PGM2L1: variants seen among roughly 807,000 people sequenced by gnomAD.
The protein encoded by PGM2L1 is glucose 1,6-bisphosphate synthase.
Under a neutral mutation model 73.4 loss-of-function variants are expected in PGM2L1, and 35 were observed. The observed-to-expected ratio is 0.48, with a 90% CI of 0.36 to 0.63. The LOEUF (loss-of-function observed/expected upper bound fraction) is 0.63, where lower values mean the gene tolerates loss of function less well. Among genes scored for constraint, PGM2L1 ranks in the 30% least tolerant of loss-of-function variants. The pLI is 0.00. For synonymous variants in PGM2L1, 225 were observed against 253.8 expected, an observed-to-expected ratio of 0.89 and a Z score of 1.08; for missense variants, 570 against 742.0, an observed-to-expected ratio of 0.77 and a Z score of 2.69.
At position 74,358,653 on chromosome 11, in the gene PGM2L1, C is replaced by T. The variant is rs199514936; in HGVS notation, c.556-7077G>A. ...CCTGTAATCCCAGCATTCTGGGAGGCCAAGGCAGGAGGATCACTTGAGGCC... is the reference window on the plus strand; with the variant it reads ...CCTGTAATCCCAGCATTCTGGGAGGTCAAGGCAGGAGGATCACTTGAGGCC... On this transcript the variant is annotated intron_variant, in intron 5 of 13. Coordinates refer to ENST00000298198, the MANE Select transcript of PGM2L1 (RefSeq NM_173582.6). 3.3e-5 allele frequency among the ~76,000 whole-genome samples: 5 copies of T among 152,318 alleles called. No individual in the cohort carries two copies. In the East Asian group the frequency reaches 9.6e-4, roughly 29 times the overall value.
chr11:74,360,610 A>G (rs540357255), intron 5 of PGM2L1, among the ~76,000 whole-genome samples: 2 of 152,268 alleles, frequency 1.3e-5, no homozygotes, highest in Admixed American at 6.5e-5. Flanking sequence ...AGGGTGACAC[A>G]TCGCCTCACC....
intron 5 of PGM2L1, 114 bp from the exon 6 acceptor site, chr11:74,351,690 C>T (rs564549976): frequency 6.8e-5 from 62 of 907,238 alleles, no homozygotes; most frequent in East Asian, 1.7e-4. Flanking sequence ...AGGCCAGGCA[C>T]GGTGGCTCAC....
At chr11:74,339,003 T>C (rs1862141870) in intron 12 of PGM2L1, among the ~76,000 whole-genome samples, 1 of 152,196 alleles carries the variant, frequency 6.6e-6, no homozygotes, top group African/African-American at 2.4e-5. Flanking sequence ...AAACATACCA[T>C]TTACTGAATA....
At chr11:74,365,274 C>G (rs1201149920) in intron 5 of PGM2L1, among the ~76,000 whole-genome samples, 1 of 152,058 alleles carries the variant, frequency 6.6e-6, no homozygotes. Flanking sequence ...AGAAGAAAAC[C>G]TAGGCAATAC....
Position 74,374,576 on chromosome 11 carries a change from T to C in PGM2L1, c.118A>G (p.Lys40Glu), listed in dbSNP as rs1862829235. The C allele has an allele frequency of 1.2e-6, 2 of 1,613,288 alleles. No individual in the cohort carries two copies. The highest frequency in any genetic ancestry group is 1.7e-6 in the Non-Finnish European group (2 of 1,179,592). The change falls in exon 2 of 14, where the codon AAA becomes GAA. Residue 40 changes from lysine to glutamate, a missense_variant. Physicochemically the swap from Lys to Glu is moderately conservative, Grantham distance 56. Coordinates refer to ENST00000298198, the MANE Select transcript of PGM2L1 (RefSeq NM_173582.6). ...AGGTTTTCAATCTGCTCTTTTGTTT[T>C]GGGATTCTATAAAAAAGAAGTATTA... ...GQWLRWDKNP[K>E]TKEQIENLLR...
At chr11:74,356,592 T>C (rs1862460010) in intron 5 of PGM2L1, among the ~76,000 whole-genome samples, 1 of 152,152 alleles carries the variant, frequency 6.6e-6, no homozygotes, top group Non-Finnish European at 1.5e-5. Flanking sequence ...AAAATAACTT[T>C]GTTTTCAAAT....
intron 1 of PGM2L1, among the ~76,000 whole-genome samples, chr11:74,375,970 T>C (rs1862847208): frequency 6.6e-6 from 1 of 152,214 alleles, no homozygotes; most frequent in Non-Finnish European, 1.5e-5. Context: ...AAGATGGGCA[T>C]AAGAATGGCA....
At chr11:74,387,212 G>A (rs116323332) in intron 1 of PGM2L1, among the ~76,000 whole-genome samples, 130 of 152,234 alleles carry the variant, frequency 8.5e-4, no homozygotes, top group African/African-American at 3.0e-3. Context: ...CCAAGAATCA[G>A]CAATAGAGTT....
Position 74,334,938 on chromosome 11 carries a change from A to C in PGM2L1, c.*1714T>G, listed in dbSNP as rs1862071468. 3 of 141,008 alleles carry C rather than the reference A, an allele frequency of 2.1e-5. No homozygotes were observed. The highest frequency in any genetic ancestry group is 2.2e-4 in the South Asian group (1 of 4,566). 8.7% of individuals were successfully genotyped at this position (141,008 alleles called of 1,614,324 possible). A position where few individuals can be genotyped will look rare whatever the true frequency, so the allele number is the denominator to read the frequency against. On this transcript the variant is annotated 3_prime_UTR_variant, in exon 14 of 14. Transcript: ENST00000298198. Reference sequence around the variant, plus strand: ...TTTTTTTTTTTTGAGATAAGGTCTCACTCTGTCATCCAGGCTTCAGTGCGG... The same window carrying C: ...TTTTTTTTTTTTGAGATAAGGTCTCCCTCTGTCATCCAGGCTTCAGTGCGG...
intron 1 of PGM2L1, 123 bp downstream of exon 1, chr11:74,397,928 G>T: frequency 7.3e-7 from 1 of 1,372,576 alleles, no homozygotes; most frequent in Non-Finnish European, 9.4e-7. Context: ...GCCCTGCTCC[G>T]CTGCCCCCCG....
intron 1 of PGM2L1, among the ~76,000 whole-genome samples, chr11:74,383,824 A>ATATATATATATATATATATATATATATAT (rs1862982924): frequency 1.6e-5 from 2 of 121,834 alleles, no homozygotes; most frequent in Admixed American, 8.2e-5. Flanking sequence ...TATATAAATA[A>ATATATATATATATATATATATATATATAT]ATATATATAT....
At chr11:74,361,791 G>C (rs1252877395) in intron 5 of PGM2L1, among the ~76,000 whole-genome samples, 1 of 152,044 alleles carries the variant, frequency 6.6e-6, no homozygotes, top group Non-Finnish European at 1.5e-5. Flanking sequence ...TGGAAGAAAG[G>C]GTATCAGTGA....
chr11:74,385,744 C>T (rs1017877548), intron 1 of PGM2L1, among the ~76,000 whole-genome samples: 7 of 151,940 alleles, frequency 4.6e-5, no homozygotes, highest in African/African-American at 9.7e-5. Context: ...GAACCCTGCC[C>T]ATCAGCATAA....
At chr11:74,346,159 G>T (rs1862259897) in intron 8 of PGM2L1, among the ~76,000 whole-genome samples, 1 of 150,082 alleles carries the variant, frequency 6.7e-6, no homozygotes, top group Non-Finnish European at 1.5e-5. Context: ...AGCTACTTAG[G>T]AGGCTGAGGC....
Position 74,351,371 on chromosome 11 carries a change from T to C in PGM2L1, c.749+12A>G, listed in dbSNP as rs746860389. On this transcript the variant is annotated intron_variant, in intron 6 of 13. Coordinates refer to ENST00000298198, the MANE Select transcript of PGM2L1 (RefSeq NM_173582.6). The stretch of plus-strand genomic sequence containing the variant: ...TCTGAAGTAGTATTATCTGATATTC[T>C]CACTTGGATACCTGTAAAAACAGAT... The C allele has an allele frequency of 6.2e-7, 1 of 1,601,494 alleles. No individual in the cohort carries two copies. The highest frequency in any genetic ancestry group is 8.5e-7 in the Non-Finnish European group (1 of 1,173,734).
At chr11:74,360,313 G>T (rs146042854) in intron 5 of PGM2L1, among the ~76,000 whole-genome samples, 1 of 151,566 alleles carries the variant, frequency 6.6e-6, no homozygotes, top group Admixed American at 6.6e-5. Flanking sequence ...AGGTAGGGAC[G>T]GAGGGAGGGA....
rs1862050213 is a variant in PGM2L1, at chr11:74,333,807, C to A, written c.*2845G>T. On this transcript the variant is annotated 3_prime_UTR_variant, in exon 14 of 14. Transcript: ENST00000298198. ...ATTTCCAATGTATGCTTTGATCTTG[C>A]CCTACTAATTCTCTCCTTTTCTCCA... 1 of 152,206 alleles carries A rather than the reference C, an allele frequency of 6.6e-6. No homozygotes were observed. Among genetic ancestry groups the A allele is most frequent in the Admixed American group, 6.5e-5 (1 of 15,282 alleles). 9.4% of individuals were successfully genotyped at this position (152,206 alleles called of 1,614,324 possible). A position where few individuals can be genotyped will look rare whatever the true frequency, so the allele number is the denominator to read the frequency against.
chr11:74,356,043 G>A (rs1196273180), intron 5 of PGM2L1, among the ~76,000 whole-genome samples: 2 of 151,632 alleles, frequency 1.3e-5, no homozygotes, highest in African/African-American at 4.9e-5. Flanking sequence ...TCATGATGCT[G>A]AATAAATGTC....
intron 12 of PGM2L1, among the ~76,000 whole-genome samples, chr11:74,338,900 TTA>T (rs1196098248): frequency 1.3e-5 from 2 of 152,206 alleles, no homozygotes; most frequent in African/African-American, 2.4e-5. Flanking sequence ...TTAATTTTTG[TTA>T]TGTGTTTTTT....
Sources: allele counts gnomAD v4.1 joint callset (sites outside exome capture counted in the v4.1 genomes callset), GRCh38; gene constraint gnomAD v4.1.1; transcripts MANE v1.5; gene names NCBI Gene and HGNC (gene_info 2026-07-23, HGNC 2026-07-21).